Variants in PRKN observed in about 807,000 individuals in gnomAD.
PRKN encodes the protein parkin RBR E3 ubiquitin protein ligase.
PRKN carries 56 observed loss-of-function variants against 59.5 expected under a neutral mutation model. The ratio of observed to expected loss-of-function variants is 0.94; its 90% CI spans 0.76 to 1.18. The LOEUF (loss-of-function observed/expected upper bound fraction) is 1.18, where lower values mean the gene tolerates loss of function less well. PRKN is among the 50% of genes most tolerant of loss of function. The pLI is 0.00. For missense variants in PRKN, 657 were observed against 596.4 expected, an observed-to-expected ratio of 1.10 and a Z score of -1.06; for synonymous variants, 250 against 222.1, an observed-to-expected ratio of 1.13 and a Z score of -1.12.
chr6:162,678,595 T>C (rs537461290), intron 1 of PRKN, among the ~76,000 whole-genome samples: 51 of 152,372 alleles, frequency 3.3e-4, no homozygotes, highest in African/African-American at 1.2e-3. Context: ...CTGTATACTA[T>C]CTTTGGGGAA....
chr6:162,320,475 A>G (rs2128121514), intron 2 of PRKN, among the ~76,000 whole-genome samples: 1 of 150,260 alleles, frequency 6.7e-6, no homozygotes, highest in East Asian at 2.0e-4. Flanking sequence ...AAAAAAATAT[A>G]TGAAAAGCAA....
intron 1 of PRKN, among the ~76,000 whole-genome samples, chr6:162,595,006 C>G (rs1187889240): frequency 6.6e-6 from 1 of 151,948 alleles, no homozygotes; most frequent in East Asian, 2.0e-4. Flanking sequence ...AACCCCATCT[C>G]TACTAAAAAT....
chr6:161,696,156 A>G (rs1786014580), intron 7 of PRKN, among the ~76,000 whole-genome samples: 1 of 152,350 alleles, frequency 6.6e-6, no homozygotes, highest in African/African-American at 2.4e-5. Context: ...GATGACAATC[A>G]GTAGATAAAA....
At chr6:162,618,949 G>A (rs1336776176) in intron 1 of PRKN, among the ~76,000 whole-genome samples, 1 of 152,116 alleles carries the variant, frequency 6.6e-6, no homozygotes, top group African/African-American at 2.4e-5. Flanking sequence ...AAAAAGTACA[G>A]GATTCTCTGC....
At chr6:162,101,217 C>T (rs1562513674) in intron 4 of PRKN, among the ~76,000 whole-genome samples, 2 of 151,882 alleles carry the variant, frequency 1.3e-5, no homozygotes, top group Non-Finnish European at 2.9e-5. Context: ...TCAGTTCTTA[C>T]ATTTACAGCT....
At position 161,554,403 on chromosome 6, in the gene PRKN, TACACAC is replaced by T. The variant is rs57551959; in HGVS notation, c.934-5406_934-5401del. Among the ~76,000 whole-genome samples, 703 of 147,078 alleles carry T rather than the reference TACACAC, an allele frequency of 4.8e-3. 6 individuals are homozygous for T. The highest frequency in any genetic ancestry group is 0.017 in the African/African-American group (675 of 39,926). On this transcript the variant is annotated intron_variant, in intron 8 of 11. Transcript: ENST00000366898. This position sits in a 1 kb window ranked among gnomAD's most constrained non-coding sequence, Gnocchi z 4.5. ...TAACCTTCATGTTATCTTACTTCTA[TACACAC>T]ACACACACACACACACACACACGCA...
chr6:161,634,506 A>G (rs1783441083), intron 7 of PRKN, among the ~76,000 whole-genome samples: 1 of 152,238 alleles, frequency 6.6e-6, no homozygotes, highest in South Asian at 2.1e-4. Flanking sequence ...ACAGCTAGTA[A>G]GCACTAGGGT....
chr6:162,073,265 G>C (rs1175940675), intron 4 of PRKN, among the ~76,000 whole-genome samples: 2 of 152,174 alleles, frequency 1.3e-5, no homozygotes, highest in Non-Finnish European at 2.9e-5. Flanking sequence ...TCAAGTAAAA[G>C]TGAACTTAAA....
At chr6:162,340,220 T>C (rs1784112643) in intron 2 of PRKN, among the ~76,000 whole-genome samples, 1 of 152,188 alleles carries the variant, frequency 6.6e-6, no homozygotes, top group Admixed American at 6.5e-5. Context: ...AAAAGCTCTC[T>C]AATTCTATGC....
At chr6:161,696,998 A>G (rs1351246571) in intron 7 of PRKN, among the ~76,000 whole-genome samples, 1 of 152,192 alleles carries the variant, frequency 6.6e-6, no homozygotes, top group Non-Finnish European at 1.5e-5. Flanking sequence ...GCCAGTATTC[A>G]TTGCACATAA....
At chr6:162,446,901 A>AC (rs1282770807) in intron 1 of PRKN, among the ~76,000 whole-genome samples, 2 of 152,162 alleles carry the variant, frequency 1.3e-5, no homozygotes, top group African/African-American at 4.8e-5. Context: ...CCCACCTACT[A>AC]CCTCTTTAAA....
intron 7 of PRKN, among the ~76,000 whole-genome samples, chr6:161,767,986 TTA>T (rs1789503020): frequency 6.6e-6 from 1 of 152,202 alleles, no homozygotes; most frequent in Admixed American, 6.5e-5. Context: ...TATCAAAAAT[TTA>T]TGTTTTCCTG....
intron 1 of PRKN, among the ~76,000 whole-genome samples, chr6:162,549,044 G>GC (rs916241707): frequency 5.3e-5 from 8 of 151,910 alleles, no homozygotes; most frequent in East Asian, 1.9e-4. Flanking sequence ...TTGAAATCCT[G>GC]CCCCCCCAAG....
intron 1 of PRKN, among the ~76,000 whole-genome samples, chr6:162,478,895 T>C (rs1792159647): frequency 6.6e-6 from 1 of 152,136 alleles, no homozygotes; most frequent in South Asian, 2.1e-4. Flanking sequence ...AACATGGAGT[T>C]TGCAGAACTG....
chr6:162,264,233 T>C (rs1455332556), intron 2 of PRKN, among the ~76,000 whole-genome samples: 1 of 152,082 alleles, frequency 6.6e-6, no homozygotes, highest in East Asian at 1.9e-4. Context: ...GCCAAGATCA[T>C]GCCACTGCAC....
At chr6:162,385,541 C>G (rs1786756007) in intron 2 of PRKN, among the ~76,000 whole-genome samples, 1 of 152,212 alleles carries the variant, frequency 6.6e-6, no homozygotes, top group East Asian at 1.9e-4. Context: ...CTAACTCATC[C>G]CAAACATCAA....
chr6:161,631,794 C>CACA (rs56682409), intron 7 of PRKN, among the ~76,000 whole-genome samples: 23 of 120,176 alleles, frequency 1.9e-4, no homozygotes, highest in Non-Finnish European at 3.5e-4. Flanking sequence ...CACACACACA[C>CACA]CCCACACACA....
At chr6:162,005,021 G>T (rs541893473) in intron 5 of PRKN, among the ~76,000 whole-genome samples, 1 of 152,316 alleles carries the variant, frequency 6.6e-6, no homozygotes, top group African/African-American at 2.4e-5. Context: ...AGGAAGACTT[G>T]CCTGTAAAGG....
In PRKN at chr6:161,459,353, A is replaced by G. The variant is rs1790106302; in HGVS notation, c.1084-72476T>C. ...TTGAAGTGACTATTAATTCCAGAAT[A>G]TGGTGTGAATTAAGTAATTCATTTG... On this transcript the variant is annotated intron_variant, in intron 9 of 11. Transcript: ENST00000366898. This position sits in a 1 kb window ranked among gnomAD's most constrained non-coding sequence, Gnocchi z 4.8. Among the ~76,000 whole-genome samples, 4 of 152,242 alleles carry G rather than the reference A, an allele frequency of 2.6e-5. No individual in the cohort carries two copies. Among genetic ancestry groups the G allele is most frequent in the Non-Finnish European group, 4.4e-5 (3 of 68,046 alleles).
Sources: allele counts gnomAD v4.1 joint callset (sites outside exome capture counted in the v4.1 genomes callset), GRCh38; gene constraint gnomAD v4.1.1; non-coding constraint Gnocchi (gnomAD v3.1); transcripts MANE v1.5; gene names NCBI Gene and HGNC (gene_info 2026-07-23, HGNC 2026-07-21).